Variants in THSD7B observed in about 807,000 individuals in gnomAD.
THSD7B encodes thrombospondin type 1 domain containing 7B.
Under a neutral mutation model 213.6 loss-of-function variants are expected in THSD7B, and 138 were observed. The ratio of observed to expected loss-of-function variants is 0.65; its 90% CI spans 0.56 to 0.74. THSD7B has a LOEUF of 0.74. Among genes scored for constraint, THSD7B ranks in the 30% least tolerant of loss-of-function variants. The pLI is 0.00. For synonymous variants in THSD7B, 742 were observed against 687.0 expected (o/e 1.08, Z -1.25); for missense variants, 1,931 against 1,991.5 (o/e 0.97, Z 0.58).
At chr2:137,091,511 ATTTTAT>A (rs1185687284) in intron 3 of THSD7B, among the ~76,000 whole-genome samples, 1 of 151,484 alleles carries the variant, frequency 6.6e-6, no homozygotes, top group Non-Finnish European at 1.5e-5. Context: ...ATTTTATTTT[ATTTTAT>A]TTTATTCATT....
intron 17 of THSD7B, among the ~76,000 whole-genome samples, chr2:137,586,884 C>T (rs927025840): frequency 6.6e-6 from 1 of 152,136 alleles, no homozygotes; most frequent in Non-Finnish European, 1.5e-5. Context: ...TGTTGGCCTG[C>T]CTTGCTAGGT....
At chr2:137,163,136 G>A (rs78972715) in intron 6 of THSD7B, among the ~76,000 whole-genome samples, 1,722 of 152,184 alleles carry the variant, frequency 0.011, 13 homozygotes, top group Non-Finnish European at 0.019. Context: ...ATTCCGCCAA[G>A]TAACATTTTT....
At chr2:137,355,177 T>C (rs534701252) in intron 12 of THSD7B, among the ~76,000 whole-genome samples, 45 of 152,172 alleles carry the variant, frequency 3.0e-4, no homozygotes, top group Non-Finnish European at 5.9e-4. Context: ...TTGAGACATT[T>C]TAAGAGCTTC....
chr2:137,245,209 C>A (rs1274325790), intron 10 of THSD7B, among the ~76,000 whole-genome samples: 1 of 152,138 alleles, frequency 6.6e-6, no homozygotes, highest in African/African-American at 2.4e-5. Flanking sequence ...GGCATAAGAG[C>A]ATGGATGCTG....
At chr2:137,147,829 C>G (rs752456965) in intron 5 of THSD7B, among the ~76,000 whole-genome samples, 2 of 152,164 alleles carry the variant, frequency 1.3e-5, no homozygotes, top group South Asian at 2.1e-4. Flanking sequence ...TTCCCTTTCT[C>G]TCTTCTCAGA....
At chr2:137,230,431 A>G (rs1681609510) in intron 7 of THSD7B, among the ~76,000 whole-genome samples, 2 of 152,176 alleles carry the variant, frequency 1.3e-5, no homozygotes, top group South Asian at 4.1e-4. Flanking sequence ...GCATTAGATT[A>G]TTCAAGGGGG....
chr2:137,523,162 A>G (rs1323893251), intron 15 of THSD7B, among the ~76,000 whole-genome samples: 1 of 106,024 alleles, frequency 9.4e-6, no homozygotes, highest in Admixed American at 8.6e-5. Flanking sequence ...TGTTCTGATT[A>G]TAGGTTGCAG....
At chr2:136,870,865 T>G (rs895428617) in intron 1 of THSD7B, among the ~76,000 whole-genome samples, 1 of 152,200 alleles carries the variant, frequency 6.6e-6, no homozygotes, top group African/African-American at 2.4e-5. Flanking sequence ...TATTTTTTCC[T>G]TCCTAAAGAT....
chr2:137,557,340 G>A (rs573296204), intron 15 of THSD7B, among the ~76,000 whole-genome samples: 9 of 152,216 alleles, frequency 5.9e-5, no homozygotes, highest in East Asian at 5.8e-4. Context: ...ATAACAAACT[G>A]TCTCTCAGAC....
chr2:137,297,284 T>TA lies in THSD7B; in HGVS notation c.2500+21266dup, dbSNP rs201199444. Among the ~76,000 whole-genome samples, 328 of 148,626 alleles carry TA rather than the reference T, an allele frequency of 2.2e-3. 2 individuals are homozygous for TA. The highest frequency in any genetic ancestry group is 7.7e-3 in the African/African-American group (313 of 40,440). ...GGGTGACAGAGCAAGACTCTGTTCC[T>TA]AAAAAAAAGAAAGAAAAGGAAAAAG... On this transcript the variant is annotated intron_variant, in intron 12 of 27. Coordinates refer to ENST00000409968, the MANE Select transcript of THSD7B (RefSeq NM_001316349.2).
rs1573966769 is a variant in THSD7B at position 137,333,230 on chromosome 2, C to T, written c.2500+57204C>T. 2.0e-5 allele frequency among the ~76,000 whole-genome samples: 3 copies of T among 151,716 alleles called. No homozygotes were observed. In the East Asian group the frequency reaches 5.9e-4, roughly 30 times the overall value. ...CAGCAGGTTCCGATACATCTACCTC[C>T]TGGGAGGACGCAAATTGTCTTCATC... On this transcript the variant is annotated intron_variant, in intron 12 of 27. Coordinates refer to ENST00000409968, the MANE Select transcript of THSD7B (RefSeq NM_001316349.2).
intron 1 of THSD7B, among the ~76,000 whole-genome samples, chr2:136,826,772 G>A (rs1347640284): frequency 2.6e-5 from 4 of 152,048 alleles, no homozygotes; most frequent in African/African-American, 7.2e-5. Context: ...CTTCCTTGTC[G>A]TCCCCAAATC....
chr2:137,519,421 G>C (rs1420158717), intron 15 of THSD7B, among the ~76,000 whole-genome samples: 1 of 152,172 alleles, frequency 6.6e-6, no homozygotes, highest in Non-Finnish European at 1.5e-5. Flanking sequence ...GTATGAGCAA[G>C]AGCTGTTGTT....
chr2:137,646,050 C>T (rs985283142), intron 21 of THSD7B, among the ~76,000 whole-genome samples: 2 of 152,096 alleles, frequency 1.3e-5, no homozygotes, highest in African/African-American at 4.8e-5. Flanking sequence ...GGGACAGTTT[C>T]ATAACAGGCA....
chr2:137,294,808 G>A (rs577510633), intron 12 of THSD7B, among the ~76,000 whole-genome samples: 2 of 152,126 alleles, frequency 1.3e-5, no homozygotes, highest in African/African-American at 2.4e-5. Flanking sequence ...GTCTTGGAAC[G>A]TATACCCCAT....
At chr2:136,802,079 T>C (rs995784562) in intron 1 of THSD7B, among the ~76,000 whole-genome samples, 14 of 152,008 alleles carry the variant, frequency 9.2e-5, no homozygotes, top group South Asian at 2.1e-4. Flanking sequence ...CCCTGAATCA[T>C]TGTAAGTTGG....
chr2:137,013,964 G>T (rs923522359), intron 2 of THSD7B, among the ~76,000 whole-genome samples: 1 of 152,346 alleles, frequency 6.6e-6, no homozygotes, highest in East Asian at 1.9e-4. Flanking sequence ...ATATAAAACA[G>T]GTGGAGAGAT....
At chr2:136,923,390 G>A (rs902319964) in intron 2 of THSD7B, among the ~76,000 whole-genome samples, 2 of 152,134 alleles carry the variant, frequency 1.3e-5, no homozygotes, top group Admixed American at 6.6e-5. Flanking sequence ...TGGCTATTGT[G>A]AATAATGCTG....
chr2:136,870,853 T>C (rs1304296526), intron 1 of THSD7B, among the ~76,000 whole-genome samples: 2 of 152,156 alleles, frequency 1.3e-5, no homozygotes, highest in Non-Finnish European at 2.9e-5. Context: ...TAGAGGAAAG[T>C]ATATTTTTTC....
Sources: allele counts gnomAD v4.1 joint callset (sites outside exome capture counted in the v4.1 genomes callset), GRCh38; gene constraint gnomAD v4.1.1; transcripts MANE v1.5; gene names NCBI Gene and HGNC (gene_info 2026-07-23, HGNC 2026-07-21).